The following ABAT variants were observed in gnomAD, a reference collection of about 807,000 sequenced individuals.
ABAT encodes 4-aminobutyrate aminotransferase, mitochondrial.
Under a neutral mutation model 64.6 loss-of-function variants are expected in ABAT, and 45 were observed. The observed-to-expected ratio is 0.70, with a 90% CI of 0.55 to 0.89. ABAT has a LOEUF of 0.89. Ranked by LOEUF, ABAT falls within the 40% of genes least tolerant of loss-of-function variation. The pLI is 0.00. For missense variants in ABAT, 633 were observed against 658.4 expected (o/e 0.96, Z 0.42); for synonymous variants, 297 against 250.5 (o/e 1.19, Z -1.75).
At chr16:8,692,057 G>C (rs769638366) in intron 1 of ABAT, among the ~76,000 whole-genome samples, 2 of 152,158 alleles carry the variant, frequency 1.3e-5, no homozygotes, top group Non-Finnish European at 2.9e-5. Context: ...TTCCAGTAGA[G>C]TGGCAGGACC....
Position 8,746,049 on chromosome 16 carries a change from A to G in ABAT, c.119A>G (p.Asp40Gly). The G allele has an allele frequency of 6.2e-7, 1 of 1,614,018 alleles. No individual in the cohort carries two copies. Among genetic ancestry groups the G allele is most frequent in the Non-Finnish European group, 8.5e-7 (1 of 1,179,996 alleles). The change falls in exon 3 of 16, where the codon GAT (aspartate) becomes GGT (glycine). Residue 40 changes from aspartate (D) to glycine (G), a missense_variant. Asp to Gly is a moderately conservative substitution (Grantham distance 94, BLOSUM62 -1). Coordinates refer to ENST00000268251, the MANE Select transcript of ABAT (RefSeq NM_020686.6). ...QAAAKVDVEF[D>G]YDGPLMKTEV... ...GCAGCCAAAGTCGACGTTGAATTTGATTATGATGGGCCTCTGATGAAGACG... is the reference window on the plus strand; with the variant it reads ...GCAGCCAAAGTCGACGTTGAATTTGGTTATGATGGGCCTCTGATGAAGACG...
At chr16:8,725,481 C>T (rs906101538) in intron 1 of ABAT, among the ~76,000 whole-genome samples, 1 of 152,186 alleles carries the variant, frequency 6.6e-6, no homozygotes, top group Non-Finnish European at 1.5e-5. Flanking sequence ...GGCATTTTAC[C>T]TCTGCATTCA....
At chr16:8,711,249 T>C (rs2142082137) in intron 1 of ABAT, among the ~76,000 whole-genome samples, 1 of 152,250 alleles carries the variant, frequency 6.6e-6, no homozygotes, top group South Asian at 2.1e-4. Flanking sequence ...TATTTCATGA[T>C]AAAAATTCAG....
intron 1 of ABAT, among the ~76,000 whole-genome samples, chr16:8,725,431 T>C (rs1400792089): frequency 3.3e-5 from 5 of 152,216 alleles, no homozygotes; most frequent in Admixed American, 3.3e-4. Context: ...TAGATTCACC[T>C]ACTCTTGAAG....
intron 9 of ABAT, 23 bp downstream of exon 9, chr16:8,766,293 C>A (rs747715316): frequency 1.2e-6 from 2 of 1,610,932 alleles, no homozygotes; most frequent in Non-Finnish European, 1.7e-6. Context: ...GGGCTTGCAC[C>A]ACGTACATCT....
At chr16:8,777,275 C>G (rs529778238) in intron 14 of ABAT, among the ~76,000 whole-genome samples, 1 of 152,172 alleles carries the variant, frequency 6.6e-6, no homozygotes, top group South Asian at 2.1e-4. Context: ...CTCTCACCCC[C>G]TCTAGTGTGT....
intron 1 of ABAT, among the ~76,000 whole-genome samples, chr16:8,694,161 C>G (rs2057647660): frequency 6.6e-6 from 1 of 150,976 alleles, no homozygotes; most frequent in Non-Finnish European, 1.5e-5. Flanking sequence ...TCCCGAGTAG[C>G]TGGGACTACA....
chr16:8,763,985 CAG>C lies in ABAT; in HGVS notation c.367-83_367-82del, dbSNP rs1264553212. The C allele has an allele frequency of 5.2e-6, 6 of 1,157,378 alleles. No homozygotes were observed. The African/African-American group carries it at 7.6e-5, about 15-fold the overall frequency. The allele number at this position is 1,157,378 out of a possible 1,614,324, so 71.7% of individuals were successfully genotyped here. A position where few individuals can be genotyped will look rare whatever the true frequency, so the allele number is the denominator to read the frequency against. ...ACCCCATTTGGAGGCTATTTGAACA[CAG>C]GGGCTATGAAAAGCACCATTTGTGG... is the stretch of plus-strand genomic sequence containing the variant. On this transcript the variant is annotated intron_variant, in intron 6 of 15. Coordinates refer to ENST00000268251, the MANE Select transcript of ABAT (RefSeq NM_020686.6).
intron 2 of ABAT, among the ~76,000 whole-genome samples, chr16:8,740,726 T>C (rs1323007036): frequency 6.6e-6 from 1 of 152,238 alleles, no homozygotes; most frequent in African/African-American, 2.4e-5. Flanking sequence ...AATAATCTTA[T>C]GTTGGTAAAT....
chr16:8,705,483 C>A (rs773149448), intron 1 of ABAT: 4 of 151,996 alleles, frequency 2.6e-5, no homozygotes, highest in Non-Finnish European at 5.9e-5. Context: ...TACCGGAAAG[C>A]CTGCTAGACA....
rs139002120 is a variant in ABAT at position 8,722,710 on chromosome 16, G to C, written c.-41-12989G>C. On this transcript the variant is annotated intron_variant, in intron 1 of 15. Coordinates refer to ENST00000268251, the MANE Select transcript of ABAT (RefSeq NM_020686.6). ...TTGGTCACAATTTCATGGCGTGCCAGTGCTCTGAAAGCACCTCCCTTCTAA... is the reference window on the plus strand; with the variant it reads ...TTGGTCACAATTTCATGGCGTGCCACTGCTCTGAAAGCACCTCCCTTCTAA... 16 of 783,844 alleles carry C rather than the reference G, an allele frequency of 2.0e-5. 1 individual carries two copies. The African/African-American group carries it at 2.2e-4, about 11-fold the overall frequency. 48.6% of individuals were successfully genotyped at this position (783,844 alleles called of 1,614,324 possible). A position where few individuals can be genotyped will look rare whatever the true frequency, so the allele number is the denominator to read the frequency against.
intron 1 of ABAT, among the ~76,000 whole-genome samples, chr16:8,696,832 T>C (rs1372848291): frequency 6.6e-6 from 1 of 152,192 alleles, no homozygotes; most frequent in African/African-American, 2.4e-5. Flanking sequence ...GGGCATCCAC[T>C]TCCCCTGTGG....
chr16:8,775,164 G>A, intron 13 of ABAT, 107 bp downstream of exon 13: 1 of 1,472,576 alleles, frequency 6.8e-7, no homozygotes, highest in Non-Finnish European at 9.4e-7. Context: ...GCACTTACTG[G>A]GTCGCAGGTT....
rs1442305576 is a variant in ABAT, at chr16:8,776,408, T to A, written c.1187T>A (p.Ile396Asn). The part of the protein sequence containing the change: ...PSKNLLLAEV[I>N]NIIKREDLLN... ...AAGAACCTGTTGCTGGCTGAGGTCA[T>A]CAACATCATCAAGCGGGAGGACCTG... is the stretch of plus-strand genomic sequence containing the variant. The change falls in exon 14 of 16, where the codon ATC becomes AAC. Residue 396 changes from isoleucine (I) to asparagine (N), a missense_variant. Ile to Asn is a moderately radical substitution (Grantham distance 149). Coordinates refer to ENST00000268251, the MANE Select transcript of ABAT (RefSeq NM_020686.6). This position sits in a 1 kb window ranked among gnomAD's most constrained non-coding sequence, Gnocchi z 4.4. The A allele has an allele frequency of 1.2e-6, 2 of 1,614,148 alleles. No individual in the cohort carries two copies. Among genetic ancestry groups the A allele is most frequent in the Non-Finnish European group, 1.7e-6 (2 of 1,180,014 alleles).
rs184033697 is a variant in ABAT, at chr16:8,730,375, G to A, written c.-41-5324G>A. On this transcript the variant is annotated intron_variant, in intron 1 of 15. Coordinates refer to ENST00000268251, the MANE Select transcript of ABAT (RefSeq NM_020686.6). Reference sequence around the variant, plus strand: ...CAACATTCTATTAGCTCTGTGGGCAGCCACAGCGTGCTGGAACTCGCCATC... The same window carrying A: ...CAACATTCTATTAGCTCTGTGGGCAACCACAGCGTGCTGGAACTCGCCATC... Among the ~76,000 whole-genome samples, 12 of 152,258 alleles carry A rather than the reference G, an allele frequency of 7.9e-5. No homozygotes were observed. The East Asian group carries it at 2.1e-3, about 27-fold the overall frequency.
chr16:8,729,457 C>G (rs983071796), intron 1 of ABAT, among the ~76,000 whole-genome samples: 2 of 152,130 alleles, frequency 1.3e-5, no homozygotes, highest in African/African-American at 4.8e-5. Context: ...TTTATCATCT[C>G]TGAACAGGGA....
intron 1 of ABAT, among the ~76,000 whole-genome samples, chr16:8,725,073 C>T (rs1017195869): frequency 3.3e-5 from 5 of 152,098 alleles, no homozygotes; most frequent in Non-Finnish European, 7.4e-5. Context: ...CCTGCCACCA[C>T]GCCCGGCTAA....
chr16:8,713,882 ATG>A (rs995980941), intron 1 of ABAT: 8 of 456,014 alleles, frequency 1.8e-5, no homozygotes, highest in African/African-American at 1.6e-4. Flanking sequence ...GCAAATGTGT[ATG>A]TGTGTCTCTG....
chr16:8,767,769 G>A (rs951306343), intron 9 of ABAT, among the ~76,000 whole-genome samples: 1 of 152,058 alleles, frequency 6.6e-6, no homozygotes, highest in African/African-American at 2.4e-5. Context: ...TCTGTCTCCC[G>A]GGTTCAAGCG....
Sources: gnomAD v4.1 joint callset for allele counts (sites outside exome capture counted in the v4.1 genomes callset) on GRCh38, gnomAD v4.1.1 for gene constraint, Gnocchi (gnomAD v3.1) non-coding constraint, MANE v1.5 for transcripts, NCBI Gene and HGNC (gene_info 2026-07-23, HGNC 2026-07-21) for gene names.